Variants in PLEKHG4B observed in about 807,000 individuals in gnomAD.
PLEKHG4B encodes the protein pleckstrin homology and RhoGEF domain containing G4B, also known as pleckstrin homology domain-containing family G member 4B.
In PLEKHG4B, 111 loss-of-function variants were observed where a neutral mutation model predicts 121.3. The ratio of observed to expected loss-of-function variants is 0.92; its 90% CI spans 0.78 to 1.07. The LOEUF is 1.07. Ranked by LOEUF, PLEKHG4B falls within the 50% of genes least tolerant of loss-of-function variation. The pLI, the probability that PLEKHG4B is intolerant of heterozygous loss-of-function variation, is 0.00. For missense variants in PLEKHG4B, 1,831 were observed against 1,757.8 expected (o/e 1.04, Z -0.74); for synonymous variants, 738 against 725.0 (o/e 1.02, Z -0.29).
intron 1 of PLEKHG4B, among the ~76,000 whole-genome samples, chr5:96,178 G>GA (rs1451616988): frequency 6.6e-6 from 1 of 152,240 alleles, no homozygotes; most frequent in Non-Finnish European, 1.5e-5. Flanking sequence ...TTCCCAGTGA[G>GA]AGGGAGGGGA....
At chr5:165,702 C>T (rs1313808001) in intron 13 of PLEKHG4B, among the ~76,000 whole-genome samples, 12 of 39,330 alleles carry the variant, frequency 3.1e-4, no homozygotes, top group Non-Finnish European at 7.5e-4. Context: ...TCTGACGGGG[C>T]GGAGCTCACA....
intron 13 of PLEKHG4B, among the ~76,000 whole-genome samples, chr5:165,429 C>A: frequency 1.9e-5 from 1 of 52,452 alleles, no homozygotes; most frequent in African/African-American, 7.6e-5. Flanking sequence ...GGGCGGGGCT[C>A]ACACTAATGC....
At chr5:106,339 A>G (rs373781239) in intron 1 of PLEKHG4B, among the ~76,000 whole-genome samples, 2 of 152,338 alleles carry the variant, frequency 1.3e-5, no homozygotes, top group East Asian at 3.9e-4. Context: ...GGGGCCTGAC[A>G]GCTCCCCCAT....
At chr5:155,932 C>T in intron 9 of PLEKHG4B, 139 bp from the exon 10 acceptor site, 1 of 862,022 alleles carries the variant, frequency 1.2e-6, no homozygotes, top group Non-Finnish European at 1.7e-6. Flanking sequence ...GGACCATCAG[C>T]TTGAGGAGTG....
rs751935586 is a variant in PLEKHG4B at position 171,444 on chromosome 5, C to T, written c.4050C>T (p.Asp1350=). ...LLAMDAIRGC[D]VNLKEQGQLR... is the part of the protein sequence containing the mutation. The stretch of plus-strand genomic sequence containing the variant: ...CCATGGACGCCATCCGCGGCTGTGA[C>T]GTAAGTGCCTCAGACGCTGGCAGCT... Residue 1350 remains aspartate, a splice_region_variant and synonymous_variant, in exon 16 of 20, where the codon GAC becomes GAT. Coordinates refer to ENST00000637938, the MANE Select transcript of PLEKHG4B (RefSeq NM_052909.5). 2.6e-5 allele frequency: 41 copies of T among 1,587,616 alleles called. No homozygotes were observed. The highest frequency in any genetic ancestry group is 1.7e-4 in the African/African-American group (13 of 74,648).
chr5:156,051 T>C lies in PLEKHG4B; in HGVS notation c.2209-20T>C. The C allele has an allele frequency of 6.4e-7, 1 of 1,557,030 alleles. No homozygotes were observed. Among genetic ancestry groups the C allele is most frequent in the Non-Finnish European group, 8.7e-7 (1 of 1,149,364 alleles). On this transcript the variant is annotated intron_variant, in intron 9 of 19. Transcript: ENST00000637938. This position sits in a 1 kb window ranked among gnomAD's most constrained non-coding sequence, Gnocchi z 4.4. ...CTTGGAGGAGGGAGTTAAAGGCTTA[T>C]TCCTCCCCATCCCGTGCAGGAAGTC...
At chr5:167,192 G>A (rs1238130774) in intron 13 of PLEKHG4B, among the ~76,000 whole-genome samples, 1 of 152,176 alleles carries the variant, frequency 6.6e-6, no homozygotes, top group Non-Finnish European at 1.5e-5. Context: ...TGTGTGGGTC[G>A]TGACACTGGG....
intron 13 of PLEKHG4B, among the ~76,000 whole-genome samples, chr5:164,684 G>A (rs1431829588): frequency 3.0e-5 from 3 of 99,358 alleles, no homozygotes; most frequent in African/African-American, 1.5e-4. Context: ...TCTGACAGGG[G>A]GCGGAGCTCA....
intron 2 of PLEKHG4B, among the ~76,000 whole-genome samples, chr5:117,581 G>A (rs536243312): frequency 3.3e-5 from 5 of 152,274 alleles, no homozygotes; most frequent in East Asian, 3.9e-4. Flanking sequence ...GGCCCGGTGC[G>A]GTGGCTCACA....
Position 159,434 on chromosome 5 carries a change from G to A in PLEKHG4B, c.2488-2349G>A, listed in dbSNP as rs1735919023. Among the ~76,000 whole-genome samples, 1 of 152,174 alleles carries A rather than the reference G, an allele frequency of 6.6e-6. No homozygotes were observed. The highest frequency in any genetic ancestry group is 1.5e-5 in the Non-Finnish European group (1 of 68,024). ...ATCTGGTTCTGGAGTTTTCTGTCCT[G>A]TTGCCTTAATTTTCCCCACCCCTGG... On this transcript the variant is annotated intron_variant, in intron 11 of 19. Transcript: ENST00000637938. This position sits in a 1 kb window ranked among gnomAD's most constrained non-coding sequence, Gnocchi z 5.5.
At chr5:160,168 A>G (rs1278954807) in intron 11 of PLEKHG4B, among the ~76,000 whole-genome samples, 1 of 152,246 alleles carries the variant, frequency 6.6e-6, no homozygotes, top group African/African-American at 2.4e-5. Flanking sequence ...GGGATGCCGC[A>G]TGTGGCGGCC....
chr5:178,907 A>G (rs1736845758), intron 18 of PLEKHG4B, among the ~76,000 whole-genome samples: 1 of 152,262 alleles, frequency 6.6e-6, no homozygotes, highest in Admixed American at 6.5e-5. Flanking sequence ...TCTGTAGATT[A>G]CTTATAATCC....
At chr5:148,750 G>C (rs1735510157) in intron 6 of PLEKHG4B, among the ~76,000 whole-genome samples, 1 of 152,094 alleles carries the variant, frequency 6.6e-6, no homozygotes, top group Non-Finnish European at 1.5e-5. Context: ...GAATCTCAAA[G>C]GACTCCAAAT....
rs377469027 is a variant in PLEKHG4B, at chr5:182,304, G to C, written c.4865G>C (p.Ser1622Thr). The C allele has an allele frequency of 3.8e-5, 61 of 1,607,382 alleles. 1 individual carries two copies. In the South Asian group the frequency reaches 4.4e-4, roughly 12 times the overall value. ...GAGGGGGCTCCTGCTGTGCTGCTGA[G>C]CCGCACACGCCAGGCCTGATGACTG... ...VCEGAPAVLL[S>T]RTRQA Residue 1622 changes from serine to threonine, a missense_variant, in exon 20 of 20, where the codon AGC (serine) becomes ACC (threonine). Coordinates refer to ENST00000637938, the MANE Select transcript of PLEKHG4B (RefSeq NM_052909.5).
chr5:135,679 AAAAATATATATATATATATATAT>A (rs1452129589), intron 2 of PLEKHG4B, among the ~76,000 whole-genome samples: 1,748 of 57,162 alleles, frequency 0.031, 107 homozygotes, highest in Middle Eastern at 0.039. Flanking sequence ...AAAAAAAAAA[AAAAATATATATATATATATATAT>A]ATATATATAT....
chr5:144,925 G>A lies in PLEKHG4B; in HGVS notation c.1905+5G>A, dbSNP rs768763317. On this transcript the variant is annotated splice_donor_5th_base_variant and intron_variant, in intron 6 of 19. Coordinates refer to ENST00000637938, the MANE Select transcript of PLEKHG4B (RefSeq NM_052909.5). The stretch of plus-strand genomic sequence containing the variant: ...CAGGCCCTCTCAGGATTGCAGGTAC[G>A]GCAAGGTTGTCATATCCCTTGGGTG... The A allele has an allele frequency of 2.7e-5, 44 of 1,612,382 alleles. No individual in the cohort carries two copies. The highest frequency in any genetic ancestry group is 1.6e-4 in the Middle Eastern group (1 of 6,078).
intron 18 of PLEKHG4B, among the ~76,000 whole-genome samples, chr5:174,760 G>A (rs189088699): frequency 9.2e-5 from 14 of 152,184 alleles, no homozygotes; most frequent in Admixed American, 5.9e-4. Context: ...CGCATTCCAC[G>A]TTAGGGACAG....
chr5:132,176 A>T (rs1473466249), intron 2 of PLEKHG4B, among the ~76,000 whole-genome samples: 1 of 152,156 alleles, frequency 6.6e-6, no homozygotes, highest in African/African-American at 2.4e-5. Context: ...GAGTTACGCA[A>T]GGAAAAAAAA....
chr5:108,058 C>T (rs1390638771), intron 1 of PLEKHG4B, among the ~76,000 whole-genome samples: 6 of 152,198 alleles, frequency 3.9e-5, no homozygotes, highest in African/African-American at 1.4e-4. Flanking sequence ...CAGCCATCCC[C>T]TGCCACCAGG....
Sources: gnomAD v4.1 joint callset for allele counts (sites outside exome capture counted in the v4.1 genomes callset) on GRCh38, gnomAD v4.1.1 for gene constraint, Gnocchi (gnomAD v3.1) non-coding constraint, MANE v1.5 for transcripts, NCBI Gene and HGNC (gene_info 2026-07-23, HGNC 2026-07-21) for gene names.